PARG: variants seen among roughly 807,000 people sequenced by gnomAD.
PARG encodes the protein mitochondrial poly(ADP-ribose) glycohydrolase.
In PARG, 35 loss-of-function variants were observed where a neutral mutation model predicts 113.0. The ratio of observed to expected loss-of-function variants is 0.31; its 90% CI spans 0.24 to 0.41. The LOEUF (loss-of-function observed/expected upper bound fraction) is 0.41, where lower values mean the gene tolerates loss of function less well. PARG is among the 10% of genes least tolerant of loss of function. The probability of loss-of-function intolerance (pLI) is 1.00; values close to 1 mark genes in which losing one functional copy is unlikely to be tolerated. For missense variants in PARG, 797 were observed against 1,169.4 expected (o/e 0.68, Z 4.64); for synonymous variants, 330 against 409.9 (o/e 0.81, Z 2.36).
At chr10:49,820,914 G>C (rs968491291) in intron 16 of PARG, among the ~76,000 whole-genome samples, 2 of 152,070 alleles carry the variant, frequency 1.3e-5, no homozygotes, top group Non-Finnish European at 2.9e-5. Context: ...TATTAATCTG[G>C]AACTAAAATT....
chr10:49,902,155 G>T (rs1431668886), intron 7 of PARG, among the ~76,000 whole-genome samples: 1 of 152,176 alleles, frequency 6.6e-6, no homozygotes, highest in Non-Finnish European at 1.5e-5. Flanking sequence ...AGATTCAGGG[G>T]TTTTCAGACA....
intron 7 of PARG, among the ~76,000 whole-genome samples, chr10:49,896,581 G>A (rs1348225421): frequency 3.3e-5 from 5 of 151,990 alleles, no homozygotes; most frequent in East Asian, 1.9e-4. Context: ...CATCACTCCC[G>A]GCCTGCTAAC....
At chr10:49,933,109 G>C in intron 3 of PARG, 68 bp downstream of exon 3, 1 of 1,199,494 alleles carries the variant, frequency 8.3e-7, no homozygotes, top group Non-Finnish European at 1.2e-6. Context: ...TCACAGCTTC[G>C]TTAAACTCCC....
chr10:49,920,988 G>A (rs1564659276), intron 6 of PARG, among the ~76,000 whole-genome samples: 1 of 152,140 alleles, frequency 6.6e-6, no homozygotes, highest in Non-Finnish European at 1.5e-5. Flanking sequence ...GCTGCAGAGA[G>A]CAGACTGCTC....
At chr10:49,891,635 T>A (rs1430761922) in intron 7 of PARG, among the ~76,000 whole-genome samples, 4 of 126,118 alleles carry the variant, frequency 3.2e-5, no homozygotes, top group Admixed American at 1.5e-4. Context: ...TTTTTTTTTT[T>A]TTTTTTTTTT....
intron 16 of PARG, among the ~76,000 whole-genome samples, chr10:49,822,902 A>G (rs145120703): frequency 2.6e-5 from 4 of 152,328 alleles, no homozygotes; most frequent in Non-Finnish European, 5.9e-5. Flanking sequence ...AAACACATCA[A>G]TGTCATAAGA....
At chr10:49,880,997 A>C (rs1554839362) in intron 8 of PARG, among the ~76,000 whole-genome samples, 5 of 152,248 alleles carry the variant, frequency 3.3e-5, no homozygotes, top group Non-Finnish European at 2.9e-5. Flanking sequence ...GTGAGAATTA[A>C]GAAAGGGCGT....
chr10:49,916,162 A>G (rs1837462662), intron 6 of PARG, among the ~76,000 whole-genome samples, 171 bp from the exon 7 acceptor site: 1 of 152,182 alleles, frequency 6.6e-6, no homozygotes, highest in South Asian at 2.1e-4. Flanking sequence ...AAACAGAATG[A>G]ATACTAATTT....
At chr10:49,829,256 T>G (rs1356730803) in intron 16 of PARG, among the ~76,000 whole-genome samples, 1 of 151,894 alleles carries the variant, frequency 6.6e-6, no homozygotes, top group East Asian at 1.9e-4. Context: ...AAAAAAAATT[T>G]GCCTTCTTTC....
chr10:49,917,321 T>G (rs1837539026), intron 6 of PARG, among the ~76,000 whole-genome samples: 7 of 151,520 alleles, frequency 4.6e-5, no homozygotes, highest in Admixed American at 3.9e-4. Context: ...AAACCATGTC[T>G]CTAATAAAAA....
chr10:49,844,284 A>G (rs1252982978), intron 13 of PARG, among the ~76,000 whole-genome samples: 1 of 152,098 alleles, frequency 6.6e-6, no homozygotes, highest in Admixed American at 6.5e-5. Context: ...CATTACCCAT[A>G]ATGTCAAAAA....
chr10:49,853,282 C>T (rs557334704), intron 13 of PARG, among the ~76,000 whole-genome samples: 6 of 151,744 alleles, frequency 4.0e-5, no homozygotes, highest in Admixed American at 3.3e-4. Context: ...ATGATCCGCC[C>T]GCCTCAGCCT....
At chr10:49,828,746 A>G (rs2132379989) in intron 16 of PARG, among the ~76,000 whole-genome samples, 1 of 152,340 alleles carries the variant, frequency 6.6e-6, no homozygotes, top group African/African-American at 2.4e-5. Context: ...ATGGTAGTGC[A>G]TGTCTGCAGT....
At chr10:49,910,523 A>C (rs879951114) in intron 7 of PARG, among the ~76,000 whole-genome samples, 247 of 152,086 alleles carry the variant, frequency 1.6e-3, no homozygotes, top group Non-Finnish European at 2.9e-3. Flanking sequence ...AACAAAAGCA[A>C]AACCAAAACC....
chr10:49,927,373 A>AGAAAGAAAGAAAGAAG (rs1564664844), intron 4 of PARG, among the ~76,000 whole-genome samples: 1 of 22,054 alleles, frequency 4.5e-5, no homozygotes. Flanking sequence ...AAAGAAGGAA[A>AGAAAGAAAGAAAGAAG]GAAAGAAAGA....
intron 7 of PARG, among the ~76,000 whole-genome samples, chr10:49,896,257 T>C (rs1194443737): frequency 2.0e-5 from 3 of 152,144 alleles, no homozygotes; most frequent in African/African-American, 7.2e-5. Flanking sequence ...ATTGAGGACA[T>C]AGTTGTTAAT....
At chr10:49,822,686 A>G (rs1208293772) in intron 16 of PARG, among the ~76,000 whole-genome samples, 1 of 152,166 alleles carries the variant, frequency 6.6e-6, no homozygotes, top group Non-Finnish European at 1.5e-5. Flanking sequence ...TATTAGTTAC[A>G]AGAGAGGAAA....
At chr10:49,846,373 G>GTTTTTTTTTTTTT (rs35336063) in intron 13 of PARG, among the ~76,000 whole-genome samples, 1 of 145,448 alleles carries the variant, frequency 6.9e-6, no homozygotes. Context: ...TGATAGACAT[G>GTTTTTTTTTTTTT]TTTTTTTTTT....
At chr10:49,837,721 A>G (rs1845013211) in intron 15 of PARG, among the ~76,000 whole-genome samples, 1 of 152,222 alleles carries the variant, frequency 6.6e-6, no homozygotes, top group African/African-American at 2.4e-5. Flanking sequence ...AGAATTAAAA[A>G]ACTAATTCCT....
Sources: gnomAD v4.1 joint callset for allele counts (sites outside exome capture counted in the v4.1 genomes callset) on GRCh38, gnomAD v4.1.1 for gene constraint, MANE v1.5 for transcripts, NCBI Gene and HGNC (gene_info 2026-07-23, HGNC 2026-07-21) for gene names.